NXPH4: variants seen among roughly 807,000 people sequenced by gnomAD.
NXPH4 encodes neurexophilin-4.
A neutral mutation model predicts 21.3 loss-of-function variants in NXPH4; 8 were observed. The ratio of observed to expected loss-of-function variants is 0.38; its 90% CI spans 0.22 to 0.68. The LOEUF (loss-of-function observed/expected upper bound fraction) is 0.68, where lower values mean the gene tolerates loss of function less well. Ranked by LOEUF, NXPH4 falls within the 30% of genes least tolerant of loss-of-function variation. The pLI, the probability that NXPH4 is intolerant of heterozygous loss-of-function variation, is 0.53. For synonymous variants in NXPH4, 219 were observed against 192.6 expected, an observed-to-expected ratio of 1.14 and a Z score of -1.13; for missense variants, 418 against 416.8, an observed-to-expected ratio of 1.00 and a Z score of -0.03.
At position 57,225,103 on chromosome 12, in the gene NXPH4, C is replaced by T; in HGVS notation, c.283C>T (p.Pro95Ser). The T allele has an allele frequency of 6.7e-7, 1 of 1,502,604 alleles. No homozygotes were observed. Among genetic ancestry groups the T allele is most frequent in the Non-Finnish European group, 8.9e-7 (1 of 1,122,716 alleles). 93.1% of individuals were successfully genotyped at this position (1,502,604 alleles called of 1,614,324 possible). Residue 95 changes from proline (P) to serine (S), a missense_variant, in exon 2 of 2, where the codon CCG becomes TCG. By Grantham distance (74) the Pro-to-Ser change is moderately conservative. Coordinates refer to ENST00000349394, the MANE Select transcript of NXPH4 (RefSeq NM_007224.4). ...GCCCGCGCAGCGCACCAAGAGGAAG[C>T]CGTCCATCAAGGCGGCGCGCGCCAA... ...ALPAQRTKRK[P>S]SIKAARAKKI...
At chr12:57,218,740 G>A (rs1202158418) in intron 1 of NXPH4, among the ~76,000 whole-genome samples, 3 of 151,742 alleles carry the variant, frequency 2.0e-5, no homozygotes, top group Non-Finnish European at 4.4e-5. Flanking sequence ...GGTTAGCCCA[G>A]CTTATGTGCA....
At position 57,226,301 on chromosome 12, in the gene NXPH4, G is replaced by GCCCTGCCCCCGGC. The variant is rs1555190339; in HGVS notation, c.*564_*576dup. ...GCAGAACCCCTGGGCTGAGGCCCTG[G>GCCCTGCCCCCGGC]CCCTGCCCCCGGCCCCTGCCCCTGC... On this transcript the variant is annotated 3_prime_UTR_variant, in exon 2 of 2. Transcript: ENST00000349394. 3.9e-6 allele frequency: 1 copy of GCCCTGCCCCCGGC among 255,572 alleles called. No individual in the cohort carries two copies. Among genetic ancestry groups the GCCCTGCCCCCGGC allele is most frequent in the East Asian group, 6.8e-5 (1 of 14,790 alleles). 15.8% of individuals were successfully genotyped at this position (255,572 alleles called of 1,614,324 possible). A position where few individuals can be genotyped will look rare whatever the true frequency, so the allele number is the denominator to read the frequency against.
intron 1 of NXPH4, among the ~76,000 whole-genome samples, chr12:57,217,343 G>T (rs776507193): frequency 1.3e-5 from 2 of 152,218 alleles, no homozygotes; most frequent in Non-Finnish European, 2.9e-5. Flanking sequence ...AGACAAGCCA[G>T]CAGGGTGTCA....
At position 57,224,909 on chromosome 12, in the gene NXPH4, G is replaced by A; in HGVS notation, c.89G>A (p.Arg30Lys). The A allele has an allele frequency of 8.2e-7, 1 of 1,217,892 alleles. No individual in the cohort carries two copies. 75.4% of individuals were successfully genotyped at this position (1,217,892 alleles called of 1,614,324 possible). ...AVSAQIPESG[R>K]PQYLGLRPAA... ...AGTGCCCAGATACCAGAGTCCGGAA[G>A]GCCGCAGTACCTGGGGCTGCGCCCC... The change falls in exon 2 of 2, where the codon AGG (arginine) becomes AAG (lysine). Residue 30 changes from arginine to lysine, a missense_variant. Transcript: ENST00000349394.
chr12:57,218,822 T>C (rs547726150), intron 1 of NXPH4, among the ~76,000 whole-genome samples: 1 of 152,178 alleles, frequency 6.6e-6, no homozygotes, highest in African/African-American at 2.4e-5. Flanking sequence ...GAGGTGTGGG[T>C]ATATGAGTGT....
At position 57,225,204 on chromosome 12, in the gene NXPH4, C is replaced by T. The variant is rs765487995; in HGVS notation, c.384C>T (p.Ile128=). The T allele has an allele frequency of 2.5e-6, 4 of 1,589,954 alleles. No individual in the cohort carries two copies. Among genetic ancestry groups the T allele is most frequent in the Non-Finnish European group, 3.4e-6 (4 of 1,168,276 alleles). ...LKFSLLVTGK[I]VDHVNGTFSV... ...TTTCGCTGCTGGTGACCGGCAAGAT[C>T]GTGGACCATGTGAACGGTACCTTCA... The change falls in exon 2 of 2, where the codon ATC becomes ATT. Residue 128 remains isoleucine (I), a synonymous_variant. Coordinates refer to ENST00000349394, the MANE Select transcript of NXPH4 (RefSeq NM_007224.4).
At position 57,225,797 on chromosome 12, in the gene NXPH4, A is replaced by G. The variant is rs2037140872; in HGVS notation, c.*50A>G. 2 of 1,570,994 alleles carry G rather than the reference A, an allele frequency of 1.3e-6. No individual in the cohort carries two copies. The highest frequency in any genetic ancestry group is 1.2e-5 in the South Asian group (1 of 85,062). ...CCTCCCGCCAAATCCCAGCCTCACTAGGTGGGACCCCCTTCCCAGTGTTCT... is the reference window on the plus strand; with the variant it reads ...CCTCCCGCCAAATCCCAGCCTCACTGGGTGGGACCCCCTTCCCAGTGTTCT... On this transcript the variant is annotated 3_prime_UTR_variant, in exon 2 of 2. Coordinates refer to ENST00000349394, the MANE Select transcript of NXPH4 (RefSeq NM_007224.4).
chr12:57,220,844 C>G lies in NXPH4; in HGVS notation c.57+3818C>G, dbSNP rs556013734. Among the ~76,000 whole-genome samples, 218 of 152,234 alleles carry G rather than the reference C, an allele frequency of 1.4e-3. 6 individuals carry two copies. The South Asian group carries it at 0.044, about 31-fold the overall frequency. On this transcript the variant is annotated intron_variant, in intron 1 of 1. Transcript: ENST00000349394. ...TGGGTCTCTGCATCCATCACTGTTT[C>G]TGCCCAGTAACCATCCCCATCCCCC...
Position 57,225,895 on chromosome 12 carries a change from G to C in NXPH4, c.*148G>C, listed in dbSNP as rs1326205816. On this transcript the variant is annotated 3_prime_UTR_variant, in exon 2 of 2. Transcript: ENST00000349394. ...GGGGAATGGCTTCTCGGGACCCTCA[G>C]CTAGCGTGGGTGCCCTTTTCCTTAT... 1.4e-6 allele frequency: 2 copies of C among 1,445,460 alleles called. No individual in the cohort carries two copies. The highest frequency in any genetic ancestry group is 1.8e-6 in the Non-Finnish European group (2 of 1,104,686). 89.5% of individuals were successfully genotyped at this position (1,445,460 alleles called of 1,614,324 possible). A position where few individuals can be genotyped will look rare whatever the true frequency, so the allele number is the denominator to read the frequency against.
Position 57,226,023 on chromosome 12 carries a change from T to C in NXPH4, c.*276T>C. The stretch of plus-strand genomic sequence containing the variant: ...AGGCGGGGCTTGGAGGCGGTCCCAA[T>C]GTCCCCTGGGTCCACAGTGGGTCCC... On this transcript the variant is annotated 3_prime_UTR_variant, in exon 2 of 2. Transcript: ENST00000349394. 3 of 1,092,540 alleles carry C rather than the reference T, an allele frequency of 2.7e-6. No individual in the cohort carries two copies. The highest frequency in any genetic ancestry group is 3.1e-4 in the Middle Eastern group (1 of 3,222). 67.7% of individuals were successfully genotyped at this position (1,092,540 alleles called of 1,614,324 possible).
intron 1 of NXPH4, among the ~76,000 whole-genome samples, chr12:57,222,472 G>A (rs1289226010): frequency 1.3e-5 from 2 of 152,136 alleles, no homozygotes; most frequent in Non-Finnish European, 2.9e-5. Flanking sequence ...GGGAGGAGAT[G>A]GCTTGGAGGC....
At chr12:57,223,128 T>C (rs2037108039) in intron 1 of NXPH4, among the ~76,000 whole-genome samples, 1 of 152,098 alleles carries the variant, frequency 6.6e-6, no homozygotes, top group South Asian at 2.1e-4. Flanking sequence ...TGCATGTATG[T>C]CACCCCCATC....
chr12:57,225,213 T>C lies in NXPH4; in HGVS notation c.393T>C (p.His131=), dbSNP rs938734255. The C allele has an allele frequency of 6.3e-7, 1 of 1,584,946 alleles. No homozygotes were observed. The highest frequency in any genetic ancestry group is 8.6e-7 in the Non-Finnish European group (1 of 1,165,898). The change falls in exon 2 of 2, where the codon CAT becomes CAC. Residue 131 remains histidine (H), a synonymous_variant. Transcript: ENST00000349394. ...SLLVTGKIVD[H]VNGTFSVYFR... ...TGGTGACCGGCAAGATCGTGGACCA[T>C]GTGAACGGTACCTTCAGTGTGTATT...
intron 1 of NXPH4, among the ~76,000 whole-genome samples, chr12:57,219,069 G>T (rs2037065580): frequency 6.6e-6 from 1 of 152,140 alleles, no homozygotes; most frequent in Non-Finnish European, 1.5e-5. Context: ...ATGTGTGTGG[G>T]TGCTCAAGGG....
intron 1 of NXPH4, among the ~76,000 whole-genome samples, chr12:57,218,769 TGTGTACACACTGCGG>T (rs533046579): frequency 4.8e-4 from 73 of 152,344 alleles, no homozygotes; most frequent in African/African-American, 1.6e-3. Context: ...TGTGTTTACA[TGTGTACACACTGCGG>T]GTGTGTGAAT....
rs1444587497 is a variant in NXPH4, at chr12:57,225,497, A to G, written c.677A>G (p.Lys226Arg). Residue 226 changes from lysine (K) to arginine (R), a missense_variant, in exon 2 of 2, where the codon AAA becomes AGA. Transcript: ENST00000349394. Reference sequence around the variant, plus strand: ...GGCGCGTTGGGAGTGCCTGGGGCCAAAGAGTCACGCGCTTTCAATTGCCAC... The same window carrying G: ...GGCGCGTTGGGAGTGCCTGGGGCCAGAGAGTCACGCGCTTTCAATTGCCAC... ...LGGALGVPGA[K>R]ESRAFNCHVE... 2 of 1,609,466 alleles carry G rather than the reference A, an allele frequency of 1.2e-6. No individual in the cohort carries two copies. The highest frequency in any genetic ancestry group is 2.2e-5 in the East Asian group (1 of 44,796).
At chr12:57,220,360 A>G (rs1023830859) in intron 1 of NXPH4, among the ~76,000 whole-genome samples, 4 of 152,174 alleles carry the variant, frequency 2.6e-5, no homozygotes, top group Non-Finnish European at 5.9e-5. Flanking sequence ...CGGCGCCTTT[A>G]TAGGCACATT....
intron 1 of NXPH4, among the ~76,000 whole-genome samples, chr12:57,220,312 C>T (rs1422464653): frequency 6.6e-6 from 1 of 152,176 alleles, no homozygotes; most frequent in Non-Finnish European, 1.5e-5. Context: ...TACATCCCCG[C>T]TCCGCGGCTC....
rs1468475503 is a variant in NXPH4, at chr12:57,216,799, C to A, written c.-171C>A. 2 of 224,982 alleles carry A rather than the reference C, an allele frequency of 8.9e-6. No homozygotes were observed. Among genetic ancestry groups the A allele is most frequent in the South Asian group, 1.4e-4 (1 of 6,982 alleles). 13.9% of individuals were successfully genotyped at this position (224,982 alleles called of 1,614,324 possible). On this transcript the variant is annotated 5_prime_UTR_variant, in exon 1 of 2. Coordinates refer to ENST00000349394, the MANE Select transcript of NXPH4 (RefSeq NM_007224.4). The surrounding 1 kb of genome is among the most constrained non-coding windows in gnomAD (Gnocchi z 5.3). ...CCCGCCCGCGCCCCGCCCCCAGCGC[C>A]GGCTCCGCGCCTCGCGCCCAGTCCG...
Sources: allele counts gnomAD v4.1 joint callset (sites outside exome capture counted in the v4.1 genomes callset), GRCh38; gene constraint gnomAD v4.1.1; non-coding constraint Gnocchi (gnomAD v3.1); transcripts MANE v1.5; gene names NCBI Gene and HGNC (gene_info 2026-07-23, HGNC 2026-07-21).